Variants in RBM5 observed in about 807,000 individuals in gnomAD.
RBM5 encodes the protein RNA binding motif protein 5.
Under a neutral mutation model 124.6 loss-of-function variants are expected in RBM5, and 15 were observed. The ratio of observed to expected loss-of-function variants is 0.12; its 90% CI spans 0.08 to 0.19. The LOEUF is 0.19. Ranked by LOEUF, RBM5 falls within the 10% of genes least tolerant of loss-of-function variation. The pLI is 1.00. For missense variants in RBM5, 580 were observed against 1,026.5 expected, an observed-to-expected ratio of 0.57 and a Z score of 5.94; for synonymous variants, 337 against 361.2, an observed-to-expected ratio of 0.93 and a Z score of 0.76.
intron 12 of RBM5, 60 bp from the exon 13 acceptor site, chr3:50,108,010 C>A: frequency 7.0e-7 from 1 of 1,434,052 alleles, no homozygotes; most frequent in South Asian, 1.1e-5. Context: ...TTAGGGACTT[C>A]TGAATTTTTT....
intron 2 of RBM5, among the ~76,000 whole-genome samples, chr3:50,090,824 A>C (rs1187657575): frequency 6.6e-6 from 1 of 152,200 alleles, no homozygotes; most frequent in Non-Finnish European, 1.5e-5. Context: ...ACCTTTGCAG[A>C]ATCCAGGAGA....
In RBM5 at chr3:50,100,013, C is replaced by T; in HGVS notation, c.371C>T (p.Pro124Leu). The T allele has an allele frequency of 1.2e-6, 2 of 1,613,962 alleles. No individual in the cohort carries two copies. The highest frequency in any genetic ancestry group is 1.7e-6 in the Non-Finnish European group (2 of 1,179,970). The change falls in exon 5 of 25, where the codon CCT becomes CTT. Residue 124 changes from proline (P) to leucine (L), a missense_variant. Physicochemically the swap from Pro to Leu is moderately conservative, Grantham distance 98 (BLOSUM62 -3). Transcript: ENST00000347869. This position sits in a 1 kb window ranked among gnomAD's most constrained non-coding sequence, Gnocchi z 5.1. Reference sequence around the variant, plus strand: ...GAAATGATGGAGTCCTTCGAAGGCCCTCAGCCTGCGGATGTGAGGCTGATG... The same window carrying T: ...GAAATGATGGAGTCCTTCGAAGGCCTTCAGCCTGCGGATGTGAGGCTGATG... Reference protein sequence around the residue: ...IREMMESFEGPQPADVRLMKR... With the variant: ...IREMMESFEGLQPADVRLMKR...
rs562612744 is a variant in RBM5 at position 50,102,832 on chromosome 3, T to C, written c.484-251T>C. On this transcript the variant is annotated intron_variant, in intron 6 of 24. Transcript: ENST00000347869. ...TGTCTCCGCTGGAGACACGGCCTGG[T>C]GCAAGTCAGCGTTTAGTGTTTGACA... 6 of 461,506 alleles carry C rather than the reference T, an allele frequency of 1.3e-5. 1 individual carries two copies. The East Asian group carries it at 2.6e-4, about 20-fold the overall frequency. 28.6% of individuals were successfully genotyped at this position (461,506 alleles called of 1,614,324 possible). A position where few individuals can be genotyped will look rare whatever the true frequency, so the allele number is the denominator to read the frequency against.
intron 1 of RBM5, among the ~76,000 whole-genome samples, chr3:50,089,300 C>G (rs541031259): frequency 5.3e-5 from 8 of 152,332 alleles, no homozygotes; most frequent in Admixed American, 5.2e-4. Context: ...TTCAGCCCAA[C>G]GGAGCAGTGG....
rs1216242427 is a variant in RBM5 at position 50,118,621 on chromosome 3, C to T, written c.*165C>T. 3.5e-6 allele frequency: 4 copies of T among 1,132,428 alleles called. No individual in the cohort carries two copies. Among genetic ancestry groups the T allele is most frequent in the African/African-American group, 1.6e-5 (1 of 64,008 alleles). The allele number at this position is 1,132,428 out of a possible 1,614,324, so 70.1% of individuals were successfully genotyped here. A position where few individuals can be genotyped will look rare whatever the true frequency, so the allele number is the denominator to read the frequency against. ...TCCCTCCCACCTTAAAGAAGTTCCCCTTATGTGGGTTGCCTGGTGAATGGC... is the reference window on the plus strand; with the variant it reads ...TCCCTCCCACCTTAAAGAAGTTCCCTTTATGTGGGTTGCCTGGTGAATGGC... On this transcript the variant is annotated 3_prime_UTR_variant, in exon 25 of 25. Coordinates refer to ENST00000347869, the MANE Select transcript of RBM5 (RefSeq NM_005778.4).
intron 17 of RBM5, chr3:50,110,989 C>G (rs2109013157): frequency 3.8e-6 from 2 of 531,160 alleles, no homozygotes; most frequent in East Asian, 6.2e-5. Context: ...AAAAAATACA[C>G]AAAACAGAAA....
chr3:50,113,498 A>G lies in RBM5; in HGVS notation c.1571A>G (p.Glu524Gly), dbSNP rs781572552. ...HQQSGLPPAK[E>G]GKEKKEKPKS... ...CAGTCGGGCCTGCCTCCTGCAAAAG[A>G]GGGGAAAGAGAAGAAGGAGAAACCC... Residue 524 changes from glutamate to glycine, a missense_variant, in exon 18 of 25, where the codon GAG (glutamate) becomes GGG (glycine). Glu to Gly is a moderately conservative substitution (Grantham distance 98). Coordinates refer to ENST00000347869, the MANE Select transcript of RBM5 (RefSeq NM_005778.4). 6.2e-7 allele frequency: 1 copy of G among 1,614,090 alleles called. No homozygotes were observed. Among genetic ancestry groups the G allele is most frequent in the Non-Finnish European group, 8.5e-7 (1 of 1,180,008 alleles).
intron 21 of RBM5, 89 bp from the exon 22 acceptor site, chr3:50,115,817 C>T: frequency 2.2e-6 from 3 of 1,347,946 alleles, no homozygotes; most frequent in Non-Finnish European, 3.2e-6. Flanking sequence ...GGCTTTGGCT[C>T]TTAAAGTACA....
At chr3:50,114,466 T>C in intron 20 of RBM5, 1 of 518,870 alleles carries the variant, frequency 1.9e-6, no homozygotes, top group Non-Finnish European at 3.3e-6. Flanking sequence ...CTTCAATTCC[T>C]AAGCTCAGTT....
chr3:50,092,756 T>G, intron 3 of RBM5: 1 of 452,364 alleles, frequency 2.2e-6, no homozygotes. Flanking sequence ...GAATGATAAA[T>G]ATAAGTTGTT....
intron 3 of RBM5, 21 bp downstream of exon 3, chr3:50,092,229 T>C (rs1390227721): frequency 7.5e-6 from 12 of 1,607,736 alleles, no homozygotes; most frequent in Admixed American, 5.0e-5. Flanking sequence ...AGCGGCTGTA[T>C]AACCCCCCAA....
Position 50,093,618 on chromosome 3 carries a change from A to G in RBM5, c.184-102A>G, listed in dbSNP as rs575650873. 111 of 1,304,236 alleles carry G rather than the reference A, an allele frequency of 8.5e-5. No individual in the cohort carries two copies. The African/African-American group carries it at 1.5e-3, about 18-fold the overall frequency. The allele number at this position is 1,304,236 out of a possible 1,614,324, so 80.8% of individuals were successfully genotyped here. A position where few individuals can be genotyped will look rare whatever the true frequency, so the allele number is the denominator to read the frequency against. On this transcript the variant is annotated intron_variant, in intron 3 of 24. Coordinates refer to ENST00000347869, the MANE Select transcript of RBM5 (RefSeq NM_005778.4). ...GAACATTACCATGGAGTGCTTGTGT[A>G]ATCTCTGTACACTTCCTGCTAAGGA...
rs925248096 is a variant in RBM5 at position 50,099,883 on chromosome 3, A to G, written c.340-99A>G. ...ACAGAGACTCCCATCTTAAAAAAAA[A>G]AAAAACTTGGCTAATTAAACAGTTG... On this transcript the variant is annotated intron_variant, in intron 4 of 24. Coordinates refer to ENST00000347869, the MANE Select transcript of RBM5 (RefSeq NM_005778.4). 15 of 1,141,956 alleles carry G rather than the reference A, an allele frequency of 1.3e-5. No individual in the cohort carries two copies. The South Asian group carries it at 2.0e-4, about 15-fold the overall frequency. 70.7% of individuals were successfully genotyped at this position (1,141,956 alleles called of 1,614,324 possible). A position where few individuals can be genotyped will look rare whatever the true frequency, so the allele number is the denominator to read the frequency against.
At position 50,114,023 on chromosome 3, in the gene RBM5, C is replaced by T. The variant is rs1297200404; in HGVS notation, c.1691C>T (p.Pro564Leu). ...GAAAACTTTAAAAATAGCTTTCAGCCTGTCAATTCCTTGAGGGAAGAAGAA... is the reference window on the plus strand; with the variant it reads ...GAAAACTTTAAAAATAGCTTTCAGCTTGTCAATTCCTTGAGGGAAGAAGAA... ...QKENFKNSFQ[P>L]VNSLREEERR... The change falls in exon 19 of 25, where the codon CCT (proline) becomes CTT (leucine). Residue 564 changes from proline (P) to leucine (L), a missense_variant. Pro to Leu is a moderately conservative substitution (Grantham distance 98). This residue lies in a region of RBM5 where 234 missense variants were observed against 435.1 expected (regional missense o/e 0.54). Transcript: ENST00000347869. 6.2e-7 allele frequency: 1 copy of T among 1,614,076 alleles called. No homozygotes were observed. Among genetic ancestry groups the T allele is most frequent in the African/African-American group, 1.3e-5 (1 of 74,940 alleles).
intron 4 of RBM5, among the ~76,000 whole-genome samples, chr3:50,094,548 T>C (rs781616855): frequency 2.0e-5 from 3 of 152,196 alleles, no homozygotes; most frequent in Non-Finnish European, 4.4e-5. Flanking sequence ...GTCTGGAGTA[T>C]AGCAATGCAA....
Position 50,103,345 on chromosome 3 carries a change from G to A in RBM5, c.567+179G>A, listed in dbSNP as rs569379498. On this transcript the variant is annotated intron_variant, in intron 7 of 24. Coordinates refer to ENST00000347869, the MANE Select transcript of RBM5 (RefSeq NM_005778.4). ...ATTAGATGATAGAACTAGAGGTTTC[G>A]TTTATTAAGATGCACGTTCTGCTGG... Among the ~76,000 whole-genome samples, 5 of 152,268 alleles carry A rather than the reference G, an allele frequency of 3.3e-5. No individual in the cohort carries two copies. The East Asian group carries it at 5.8e-4, about 18-fold the overall frequency.
chr3:50,109,983 C>T (rs535560446), intron 15 of RBM5, among the ~76,000 whole-genome samples: 6 of 152,206 alleles, frequency 3.9e-5, no homozygotes, highest in South Asian at 2.1e-4. Flanking sequence ...GAGGCCGAGG[C>T]GGGTGGATCA....
At position 50,116,208 on chromosome 3, in the gene RBM5, ACT is replaced by A. The variant is rs145719687; in HGVS notation, c.2094+234_2094+235del. 6,071 of 517,342 alleles carry A rather than the reference ACT, an allele frequency of 0.012. 341 individuals are homozygous for A. The East Asian group carries it at 0.13, about 11-fold the overall frequency. 32.0% of individuals were successfully genotyped at this position (517,342 alleles called of 1,614,324 possible). On this transcript the variant is annotated intron_variant, in intron 22 of 24. Coordinates refer to ENST00000347869, the MANE Select transcript of RBM5 (RefSeq NM_005778.4). ...CACAAGGCAGAAGCACACTGCCGAG[ACT>A]CTCTCACAGCAATGCCAGAGCTTGC...
chr3:50,109,235 G>A (rs530502990), intron 14 of RBM5, among the ~76,000 whole-genome samples: 1 of 151,986 alleles, frequency 6.6e-6, no homozygotes, highest in Non-Finnish European at 1.5e-5. Context: ...CACCACTCCC[G>A]GCTAATTTTT....
Sources: gnomAD v4.1 joint callset for allele counts (sites outside exome capture counted in the v4.1 genomes callset) on GRCh38, gnomAD v4.1.1 for gene constraint, gnomAD v4.1.1 regional missense constraint, Gnocchi (gnomAD v3.1) non-coding constraint, MANE v1.5 for transcripts, NCBI Gene and HGNC (gene_info 2026-07-23, HGNC 2026-07-21) for gene names.